Variants in ARHGAP28 observed in about 807,000 individuals in gnomAD.
The protein encoded by ARHGAP28 is Rho GTPase activating protein 28.
Under a neutral mutation model 90.7 loss-of-function variants are expected in ARHGAP28, and 56 were observed. The observed-to-expected ratio is 0.62, with a 90% CI of 0.50 to 0.77. ARHGAP28 has a LOEUF of 0.77. Ranked by LOEUF, ARHGAP28 falls within the 30% of genes least tolerant of loss-of-function variation. The pLI is 0.00. For missense variants in ARHGAP28, 869 were observed against 900.9 expected (o/e 0.96, Z 0.45); for synonymous variants, 308 against 323.3 (o/e 0.95, Z 0.51).
rs150249085 is a variant in ARHGAP28 at position 6,873,751 on chromosome 18, G to C, written c.1188G>C (p.Val396=). Residue 396 remains valine (V), a synonymous_variant, in exon 9 of 18, where the codon GTG becomes GTC. Coordinates refer to ENST00000383472, the MANE Select transcript of ARHGAP28 (RefSeq NM_001366230.1). ...LDGDRKKDPG[V]KVPLVLQKFF... ...GTGACCGAAAGAAAGACCCTGGAGT[G>C]AAAGTTCCCCTGGTATTACAAAAAG... 14 of 1,613,826 alleles carry C rather than the reference G, an allele frequency of 8.7e-6. No homozygotes were observed. The African/African-American group carries it at 1.9e-4, about 22-fold the overall frequency.
chr18:6,771,403 G>A (rs2056241698), intron 1 of ARHGAP28, among the ~76,000 whole-genome samples: 1 of 152,106 alleles, frequency 6.6e-6, no homozygotes, highest in Admixed American at 6.5e-5. Context: ...GATAGTTCTT[G>A]TCCTCTCTAA....
chr18:6,896,129 A>G (rs1424103934), intron 15 of ARHGAP28, among the ~76,000 whole-genome samples: 6 of 152,234 alleles, frequency 3.9e-5, no homozygotes, highest in African/African-American at 1.4e-4. Context: ...TAAAATTTTC[A>G]AAAGGTTGGT....
At chr18:6,817,123 G>T (rs374974718) in intron 1 of ARHGAP28, among the ~76,000 whole-genome samples, 80 of 151,112 alleles carry the variant, frequency 5.3e-4, no homozygotes, top group African/African-American at 1.7e-3. Context: ...AGACCAGCCT[G>T]GCCAACATGG....
At chr18:6,741,529 T>A (rs913733202) in intron 1 of ARHGAP28, among the ~76,000 whole-genome samples, 1 of 152,158 alleles carries the variant, frequency 6.6e-6, no homozygotes, top group Non-Finnish European at 1.5e-5. Flanking sequence ...GAGTCATTGC[T>A]TATAAGAAGC....
At chr18:6,894,942 T>C (rs1458828707) in intron 15 of ARHGAP28, 51 bp downstream of exon 15, 2 of 1,501,300 alleles carry the variant, frequency 1.3e-6, no homozygotes, top group East Asian at 2.3e-5. Flanking sequence ...TATAGTCTTC[T>C]CTGGCGACAT....
chr18:6,758,359 A>G (rs1187530645), intron 1 of ARHGAP28, among the ~76,000 whole-genome samples: 1 of 151,752 alleles, frequency 6.6e-6, no homozygotes, highest in Non-Finnish European at 1.5e-5. Flanking sequence ...TTTTTGAAAC[A>G]AAGTCGCTCA....
intron 1 of ARHGAP28, 141 bp from the exon 2 acceptor site, chr18:6,824,621 T>G (rs1479249165): frequency 9.9e-6 from 7 of 709,836 alleles, no homozygotes; most frequent in Non-Finnish European, 1.3e-5. Flanking sequence ...GATTATTCCC[T>G]CAAACCTATC....
chr18:6,774,651 A>G (rs1405990353), intron 1 of ARHGAP28, among the ~76,000 whole-genome samples: 3 of 152,228 alleles, frequency 2.0e-5, no homozygotes, highest in Non-Finnish European at 2.9e-5. Context: ...AGAAAAATCT[A>G]CTGAGGTAGA....
chr18:6,795,021 A>G (rs952770974), intron 1 of ARHGAP28, among the ~76,000 whole-genome samples: 5 of 152,168 alleles, frequency 3.3e-5, no homozygotes, highest in Non-Finnish European at 7.4e-5. Flanking sequence ...TGCATGAAGA[A>G]AAGTTACACA....
At chr18:6,846,731 C>G (rs980123092) in intron 3 of ARHGAP28, among the ~76,000 whole-genome samples, 4 of 152,066 alleles carry the variant, frequency 2.6e-5, no homozygotes, top group African/African-American at 7.2e-5. Context: ...GACACTGAAG[C>G]CTTTCCAAAA....
chr18:6,729,776 C>G lies in ARHGAP28; in HGVS notation c.-46C>G. 7.4e-7 allele frequency: 1 copy of G among 1,349,526 alleles called. No individual in the cohort carries two copies. The highest frequency in any genetic ancestry group is 1.9e-5 in the South Asian group (1 of 53,974). 83.6% of individuals were successfully genotyped at this position (1,349,526 alleles called of 1,614,324 possible). A position where few individuals can be genotyped will look rare whatever the true frequency, so the allele number is the denominator to read the frequency against. Reference sequence around the variant, plus strand: ...TCCCGGCGCGCCGGTCCATGCTGGTCCCGGTCTTTGTTCTGGGGCCGGCGC... The same window carrying G: ...TCCCGGCGCGCCGGTCCATGCTGGTGCCGGTCTTTGTTCTGGGGCCGGCGC... On this transcript the variant is annotated 5_prime_UTR_variant, in exon 1 of 18. Coordinates refer to ENST00000383472, the MANE Select transcript of ARHGAP28 (RefSeq NM_001366230.1).
chr18:6,818,205 T>TA (rs2056604461), intron 1 of ARHGAP28, among the ~76,000 whole-genome samples: 1 of 152,230 alleles, frequency 6.6e-6, no homozygotes, highest in African/African-American at 2.4e-5. Flanking sequence ...TGTAGAGCTG[T>TA]AGCCCGCATT....
In ARHGAP28 at chr18:6,768,306, C is replaced by A. The variant is rs891322873; in HGVS notation, c.122+38363C>A. Reference sequence around the variant, plus strand: ...GTTTTTGAGCCTCATTTTCTTGCTTCTTTGCATATATGTAGTTTTTTAGTT... The same window carrying A: ...GTTTTTGAGCCTCATTTTCTTGCTTATTTGCATATATGTAGTTTTTTAGTT... On this transcript the variant is annotated intron_variant, in intron 1 of 17. Coordinates refer to ENST00000383472, the MANE Select transcript of ARHGAP28 (RefSeq NM_001366230.1). Among the ~76,000 whole-genome samples, 3 of 152,052 alleles carry A rather than the reference C, an allele frequency of 2.0e-5. No homozygotes were observed. The East Asian group carries it at 5.8e-4, about 29-fold the overall frequency.
At chr18:6,844,752 G>C (rs1250356836) in intron 3 of ARHGAP28, among the ~76,000 whole-genome samples, 1 of 151,740 alleles carries the variant, frequency 6.6e-6, no homozygotes, top group Non-Finnish European at 1.5e-5. Flanking sequence ...CTGAGTGTAA[G>C]GAGGTTAGAA....
At chr18:6,743,990 G>A (rs2143202126) in intron 1 of ARHGAP28, among the ~76,000 whole-genome samples, 1 of 152,182 alleles carries the variant, frequency 6.6e-6, no homozygotes, top group Admixed American at 6.5e-5. Context: ...TAGCCTACTG[G>A]CCCAGAATTG....
chr18:6,841,167 C>CCTCTCTCTCTCTCT (rs776937358), intron 3 of ARHGAP28, among the ~76,000 whole-genome samples: 4 of 79,996 alleles, frequency 5.0e-5, no homozygotes, highest in African/African-American at 1.6e-4. Context: ...TTCTCTCTCT[C>CCTCTCTCTCTCTCT]CTCTCTCTCT....
At chr18:6,791,054 G>T (rs2056402858) in intron 1 of ARHGAP28, 1 of 151,852 alleles carries the variant, frequency 6.6e-6, no homozygotes, top group African/African-American at 2.4e-5. Flanking sequence ...TTCTCTAGAG[G>T]GACAGAACTA....
chr18:6,740,481 C>T (rs953136817), intron 1 of ARHGAP28, among the ~76,000 whole-genome samples: 5 of 152,114 alleles, frequency 3.3e-5, no homozygotes, highest in Admixed American at 6.5e-5. Flanking sequence ...ATTTAGAAAA[C>T]GAATCCTAGG....
At chr18:6,870,988 G>C (rs2057083050) in intron 7 of ARHGAP28, among the ~76,000 whole-genome samples, 1 of 152,170 alleles carries the variant, frequency 6.6e-6, no homozygotes, top group Non-Finnish European at 1.5e-5. Flanking sequence ...TTTTGGTAGA[G>C]ATGGGGTTTC....
Sources: allele counts gnomAD v4.1 joint callset (sites outside exome capture counted in the v4.1 genomes callset), GRCh38; gene constraint gnomAD v4.1.1; transcripts MANE v1.5; gene names NCBI Gene and HGNC (gene_info 2026-07-23, HGNC 2026-07-21).